Variants in ADAMTS9 observed in about 807,000 individuals in gnomAD.
The protein encoded by ADAMTS9 is A disintegrin and metalloproteinase with thrombospondin motifs 9.
Under a neutral mutation model 257.1 loss-of-function variants are expected in ADAMTS9, and 107 were observed. The ratio of observed to expected loss-of-function variants is 0.42; its 90% CI spans 0.36 to 0.49. The LOEUF (loss-of-function observed/expected upper bound fraction) is 0.49, where lower values mean the gene tolerates loss of function less well. ADAMTS9 is among the 20% of genes least tolerant of loss of function. The pLI is 0.03. For missense variants in ADAMTS9, 2,353 were observed against 2,469.1 expected (o/e 0.95, Z 1.00); for synonymous variants, 982 against 880.9 (o/e 1.11, Z -2.03).
chr3:64,602,985 G>A (rs1010756175), intron 25 of ADAMTS9, among the ~76,000 whole-genome samples: 5 of 152,306 alleles, frequency 3.3e-5, no homozygotes, highest in African/African-American at 7.2e-5. Context: ...ATGAACTGAC[G>A]GATGGACAGA....
intron 20 of ADAMTS9, 94 bp downstream of exon 20, chr3:64,615,866 G>T: frequency 6.9e-7 from 1 of 1,444,366 alleles, no homozygotes. Context: ...CATCTCTTCC[G>T]CACAGCCTAA....
intron 16 of ADAMTS9, among the ~76,000 whole-genome samples, chr3:64,624,414 CAT>C (rs1700180231): frequency 6.6e-6 from 1 of 152,068 alleles, no homozygotes; most frequent in Admixed American, 6.6e-5. Flanking sequence ...AGTATAAAAA[CAT>C]AAAGTTGAAC....
intron 38 of ADAMTS9, among the ~76,000 whole-genome samples, chr3:64,523,424 T>C (rs2082874962): frequency 6.6e-6 from 1 of 152,120 alleles, no homozygotes; most frequent in South Asian, 2.1e-4. Flanking sequence ...ATTTGTGGAA[T>C]AGTGGAATAG....
chr3:64,591,710 A>G (rs1431425377), intron 28 of ADAMTS9, among the ~76,000 whole-genome samples: 1 of 152,142 alleles, frequency 6.6e-6, no homozygotes, highest in Non-Finnish European at 1.5e-5. Flanking sequence ...TTTAGTAACA[A>G]GTGTTGAAGT....
intron 8 of ADAMTS9, among the ~76,000 whole-genome samples, 162 bp downstream of exon 8, chr3:64,654,191 G>A (rs1403467607): frequency 6.6e-6 from 1 of 152,180 alleles, no homozygotes; most frequent in East Asian, 1.9e-4. Flanking sequence ...GGAAGTCAAA[G>A]TCATTTCACC....
At chr3:64,654,273 C>A (rs1192967884) in intron 8 of ADAMTS9, 80 bp downstream of exon 8, 8 of 1,389,658 alleles carry the variant, frequency 5.8e-6, no homozygotes, top group Non-Finnish European at 8.0e-6. Context: ...ACTCGAAAGT[C>A]AAGTAAATGC....
At chr3:64,657,547 C>T (rs1364789224) in intron 4 of ADAMTS9, among the ~76,000 whole-genome samples, 1 of 151,744 alleles carries the variant, frequency 6.6e-6, no homozygotes. Flanking sequence ...TGCTATAATG[C>T]CCAGGCTGGT....
intron 12 of ADAMTS9, among the ~76,000 whole-genome samples, chr3:64,637,651 G>A (rs1700532358): frequency 6.6e-6 from 1 of 152,212 alleles, no homozygotes; most frequent in Non-Finnish European, 1.5e-5. Context: ...ATGAATTAGG[G>A]TAGTCAGATT....
Position 64,604,342 on chromosome 3 carries a change from TGGGG to T in ADAMTS9, c.3475-15_3475-12del. 1 of 1,550,106 alleles carries T rather than the reference TGGGG, an allele frequency of 6.5e-7. No individual in the cohort carries two copies. Among genetic ancestry groups the T allele is most frequent in the African/African-American group, 1.4e-5 (1 of 71,876 alleles). On this transcript the variant is annotated splice_polypyrimidine_tract_variant and intron_variant, in intron 23 of 39. Coordinates refer to ENST00000498707, the MANE Select transcript of ADAMTS9 (RefSeq NM_182920.2). The stretch of plus-strand genomic sequence containing the variant: ...TGGTAATTCACAGTCCTAGACGTGA[TGGGG>T]GAAAAAAAAACAAAGTCACTTTCAA...
At chr3:64,517,416 G>GTTGTTTTTTTTTTTTT (rs2082789208) in intron 39 of ADAMTS9, among the ~76,000 whole-genome samples, 2 of 52,638 alleles carry the variant, frequency 3.8e-5, no homozygotes, top group Non-Finnish European at 7.6e-5. Context: ...ATTAAAAATG[G>GTTGTTTTTTTTTTTTT]TTTTTTTTTT....
chr3:64,561,610 G>C lies in ADAMTS9; in HGVS notation c.4666C>G (p.Leu1556Val). The change falls in exon 30 of 40, where the codon CTC becomes GTC. Residue 1556 changes from leucine to valine, a missense_variant. By Grantham distance (32) the Leu-to-Val change is conservative. This residue lies in a region of ADAMTS9 where 1,402 missense variants were observed against 1,441.4 expected (regional missense o/e 0.97). Transcript: ENST00000498707. ...CATTCCTCTGCCCTCCAAGTGTAGAGGGGACACCGTGGGCCTTGGCAGTCG... is the reference window on the plus strand; with the variant it reads ...CATTCCTCTGCCCTCCAAGTGTAGACGGGACACCGTGGGCCTTGGCAGTCG... The part of the protein sequence containing the change: ...ERDCQGPRCP[L>V]YTWRAEEWQE... 2 of 1,613,976 alleles carry C rather than the reference G, an allele frequency of 1.2e-6. No homozygotes were observed. The highest frequency in any genetic ancestry group is 1.1e-5 in the South Asian group (1 of 91,068).
chr3:64,649,526 T>C, intron 10 of ADAMTS9, 111 bp downstream of exon 10: 1 of 1,296,356 alleles, frequency 7.7e-7, no homozygotes, highest in Middle Eastern at 1.9e-4. Context: ...AATTTTACTC[T>C]CAGCTTTTCC....
intron 11 of ADAMTS9, 64 bp downstream of exon 11, chr3:64,647,876 C>G (rs2106938390): frequency 6.9e-7 from 1 of 1,453,902 alleles, no homozygotes. Flanking sequence ...GGTGTCTGAT[C>G]ATACACCCAA....
At chr3:64,639,782 A>G (rs1469887088) in intron 12 of ADAMTS9, among the ~76,000 whole-genome samples, 2 of 152,218 alleles carry the variant, frequency 1.3e-5, no homozygotes, top group Non-Finnish European at 2.9e-5. Flanking sequence ...TTAAAGCTTC[A>G]ACAATACAAG....
chr3:64,617,731 C>A (rs957422011), intron 19 of ADAMTS9, among the ~76,000 whole-genome samples: 2 of 152,264 alleles, frequency 1.3e-5, no homozygotes, highest in African/African-American at 4.8e-5. Flanking sequence ...TATTACAGAA[C>A]TTTTCAAGGC....
chr3:64,642,452 A>G (rs928019818), intron 11 of ADAMTS9, among the ~76,000 whole-genome samples: 5 of 151,442 alleles, frequency 3.3e-5, no homozygotes, highest in Non-Finnish European at 7.4e-5. Flanking sequence ...GGGGGGAAAA[A>G]AAAAGCGAGT....
chr3:64,683,351 T>C (rs560270621), intron 2 of ADAMTS9, among the ~76,000 whole-genome samples: 4 of 152,330 alleles, frequency 2.6e-5, no homozygotes. Context: ...AACCTGACTT[T>C]AGTCTCGTGC....
rs574420669 is a variant in ADAMTS9, at chr3:64,615,592, G to A, written c.3025-107C>T. 26 of 1,164,454 alleles carry A rather than the reference G, an allele frequency of 2.2e-5. No homozygotes were observed. The South Asian group carries it at 3.4e-4, about 15-fold the overall frequency. 72.1% of individuals were successfully genotyped at this position (1,164,454 alleles called of 1,614,324 possible). A position where few individuals can be genotyped will look rare whatever the true frequency, so the allele number is the denominator to read the frequency against. ...CCAGCTCTTAAGAAACAACACACAA[G>A]CTGGCCAACTCTAGTTATTTTGGTG... is the stretch of plus-strand genomic sequence containing the variant. On this transcript the variant is annotated intron_variant, in intron 20 of 39. Transcript: ENST00000498707.
chr3:64,577,560 A>G, intron 28 of ADAMTS9, among the ~76,000 whole-genome samples: 1 of 152,304 alleles, frequency 6.6e-6, no homozygotes, highest in Non-Finnish European at 1.5e-5. Context: ...AATTGGTGGG[A>G]AAGCTATGAC....
Sources: gnomAD v4.1 joint callset for allele counts (sites outside exome capture counted in the v4.1 genomes callset) on GRCh38, gnomAD v4.1.1 for gene constraint, gnomAD v4.1.1 regional missense constraint, MANE v1.5 for transcripts, NCBI Gene and HGNC (gene_info 2026-07-23, HGNC 2026-07-21) for gene names.